Variants in CLIP3 observed in about 807,000 individuals in gnomAD.
The protein encoded by CLIP3 is CAP-Gly domain-containing linker protein 3.
CLIP3 carries 15 observed loss-of-function variants against 59.4 expected under a neutral mutation model. The ratio of observed to expected loss-of-function variants is 0.25; its 90% CI spans 0.17 to 0.39. The LOEUF (loss-of-function observed/expected upper bound fraction) is 0.39, where lower values mean the gene tolerates loss of function less well. Among genes scored for constraint, CLIP3 ranks in the 10% least tolerant of loss-of-function variants. CLIP3 has a pLI of 1.00. For missense variants in CLIP3, 495 were observed against 765.7 expected (o/e 0.65, Z 4.17); for synonymous variants, 300 against 321.6 (o/e 0.93, Z 0.72).
intron 7 of CLIP3, among the ~76,000 whole-genome samples, chr19:36,020,547 C>T (rs888813726): frequency 6.7e-6 from 1 of 150,284 alleles, no homozygotes; most frequent in Non-Finnish European, 1.5e-5. Context: ...TGCAGTGAGC[C>T]CAGATAGCAC....
Position 36,031,025 on chromosome 19 carries a change from T to TTTTTTTTTTTTTTTTTTTTTTTTTC in CLIP3, c.166+1166_166+1167insGAAAAAAAAAAAAAAAAAAAAAAAA, listed in dbSNP as rs1969251895. On this transcript the variant is annotated intron_variant, in intron 2 of 13. Transcript: ENST00000360535. ...TTTCTTTTCTTTTTTTTTTTTTTCT[T>TTTTTTTTTTTTTTTTTTTTTTTTTC]TTTTTTTTTTTTTTTTGAGACAGTC... Among the ~76,000 whole-genome samples the TTTTTTTTTTTTTTTTTTTTTTTTTC allele has an allele frequency of 6.0e-5, 5 of 82,658 alleles. 1 individual carries two copies. The highest frequency in any genetic ancestry group is 9.3e-4 in the South Asian group (2 of 2,142). 54.2% of individuals were successfully genotyped at this position (82,658 alleles called of 152,430 possible). A position where few individuals can be genotyped will look rare whatever the true frequency, so the allele number is the denominator to read the frequency against.
intron 2 of CLIP3, among the ~76,000 whole-genome samples, chr19:36,028,994 C>T (rs1004593386): frequency 2.3e-5 from 3 of 132,606 alleles, no homozygotes; most frequent in African/African-American, 6.2e-5. Flanking sequence ...CCATCTCCTA[C>T]TCTTTTTTTT....
intron 2 of CLIP3, among the ~76,000 whole-genome samples, chr19:36,030,342 T>G (rs1969223236): frequency 6.6e-6 from 1 of 152,144 alleles, no homozygotes. Flanking sequence ...CCAGAACCAC[T>G]GTGCCTAGCC....
chr19:36,030,238 A>T (rs151147645), intron 2 of CLIP3, among the ~76,000 whole-genome samples: 1 of 152,154 alleles, frequency 6.6e-6, no homozygotes, highest in Non-Finnish European at 1.5e-5. Flanking sequence ...TTTTCTGTAC[A>T]GATGGGGTCT....
At chr19:36,031,032 T>G (rs1969253160) in intron 2 of CLIP3, among the ~76,000 whole-genome samples, 1 of 139,298 alleles carries the variant, frequency 7.2e-6, no homozygotes, top group African/African-American at 2.7e-5. Flanking sequence ...TCTTTTTTTT[T>G]TTTTTTTTTG....
chr19:36,026,623 G>A lies in CLIP3; in HGVS notation c.525C>T (p.Asp175=). 3 of 1,613,786 alleles carry A rather than the reference G, an allele frequency of 1.9e-6. No individual in the cohort carries two copies. The highest frequency in any genetic ancestry group is 2.5e-6 in the Non-Finnish European group (3 of 1,179,934). The change falls in exon 5 of 14, where the codon GAC becomes GAT. Residue 175 remains aspartate (D), a synonymous_variant. Coordinates refer to ENST00000360535, the MANE Select transcript of CLIP3 (RefSeq NM_015526.3). This position sits in a 1 kb window ranked among gnomAD's most constrained non-coding sequence, Gnocchi z 6.3. ...CACCCTTCAGCAGCACACGCACGAG[G>A]TCGGGCACATCAAAATAGGCCGCGT... The part of the protein sequence containing the change: ...LHYAAYFDVP[D]LVRVLLKGAR...
rs1216571093 is a variant in CLIP3, at chr19:36,026,253, G to A, written c.575C>T (p.Thr192Met). Residue 192 changes from threonine to methionine, a missense_variant, in exon 6 of 14, where the codon ACG becomes ATG. Thr to Met is a moderately conservative substitution (Grantham distance 81). Around this residue, in one of 5 missense-constraint regions of CLIP3, gnomAD observed 194 missense variants for 327.8 expected, o/e 0.59. Coordinates refer to ENST00000360535, the MANE Select transcript of CLIP3 (RefSeq NM_015526.3). The surrounding 1 kb of genome is among the most constrained non-coding windows in gnomAD (Gnocchi z 6.3). ...TGAGCCGTGGTTGAAGTCACTGCACGTGGAGTTCACCACTGGAAGTGGGCA... is the reference window on the plus strand; with the variant it reads ...TGAGCCGTGGTTGAAGTCACTGCACATGGAGTTCACCACTGGAAGTGGGCA... Reference protein sequence around the residue: ...KGARPRVVNSTCSDFNHGSAL... With the variant: ...KGARPRVVNSMCSDFNHGSAL... 1.9e-6 allele frequency: 3 copies of A among 1,612,762 alleles called. No individual in the cohort carries two copies. Among genetic ancestry groups the A allele is most frequent in the African/African-American group, 1.3e-5 (1 of 74,900 alleles).
chr19:36,026,703 G>C lies in CLIP3; in HGVS notation c.445C>G (p.Leu149Val). The change falls in exon 5 of 14, where the codon CTG becomes GTG. Residue 149 changes from leucine (L) to valine (V), a missense_variant. Physicochemically the swap from Leu to Val is conservative, Grantham distance 32. Transcript: ENST00000360535. The surrounding 1 kb of genome is among the most constrained non-coding windows in gnomAD (Gnocchi z 6.3). ...AVRLSQQLLA[L>V]GADVTLRSRW... ...CTGCGCAGCGTCACATCTGCGCCCAGCGCCAGCAGCTGCTGCGAGAGGCGC... is the reference window on the plus strand; with the variant it reads ...CTGCGCAGCGTCACATCTGCGCCCACCGCCAGCAGCTGCTGCGAGAGGCGC... 1 of 1,606,310 alleles carries C rather than the reference G, an allele frequency of 6.2e-7. No individual in the cohort carries two copies. The highest frequency in any genetic ancestry group is 8.5e-7 in the Non-Finnish European group (1 of 1,177,960).
intron 7 of CLIP3, among the ~76,000 whole-genome samples, chr19:36,023,022 T>C (rs1968994668): frequency 6.6e-6 from 1 of 152,118 alleles, no homozygotes; most frequent in African/African-American, 2.4e-5. Flanking sequence ...GCCACCGCAC[T>C]CCAGCCTAGG....
In CLIP3 at chr19:36,032,575, T is replaced by C; in HGVS notation, c.-59+149A>G. 4 of 378,350 alleles carry C rather than the reference T, an allele frequency of 1.1e-5. No homozygotes were observed. Among genetic ancestry groups the C allele is most frequent in the Non-Finnish European group, 1.9e-5 (4 of 213,720 alleles). The allele number at this position is 378,350 out of a possible 1,614,324, so 23.4% of individuals were successfully genotyped here. A position where few individuals can be genotyped will look rare whatever the true frequency, so the allele number is the denominator to read the frequency against. The stretch of plus-strand genomic sequence containing the variant: ...GGCCCCGGTGTGTGCGCCCAGCGCC[T>C]GCCACCTCCCCCAGGCCCAGCCCCC... On this transcript the variant is annotated intron_variant, in intron 1 of 13. Transcript: ENST00000360535. The surrounding 1 kb of genome is among the most constrained non-coding windows in gnomAD (Gnocchi z 4.3).
Position 36,019,598 on chromosome 19 carries a change from A to ATTTTTTTT in CLIP3, c.919-293_919-292insAAAAAAAA, listed in dbSNP as rs200645934. ...ACAATGTAAATTTATTTATTTATTT[A>ATTTTTTTT]TTTTATTTATTTTTTTTTTTTTCGA... On this transcript the variant is annotated intron_variant, in intron 7 of 13. Transcript: ENST00000360535. 6.0e-5 allele frequency among the ~76,000 whole-genome samples: 6 copies of ATTTTTTTT among 99,392 alleles called. No homozygotes were observed. In the East Asian group the frequency reaches 1.2e-3, roughly 19 times the overall value. The allele number at this position is 99,392 out of a possible 152,430, so 65.2% of individuals were successfully genotyped here.
At chr19:36,027,428 T>A (rs900136351) in intron 2 of CLIP3, among the ~76,000 whole-genome samples, 157 bp from the exon 3 acceptor site, 2 of 152,174 alleles carry the variant, frequency 1.3e-5, no homozygotes, top group African/African-American at 4.8e-5. Context: ...ATTTTCTGTG[T>A]GGCCAGCATG....
At position 36,031,008 on chromosome 19, in the gene CLIP3, C is replaced by CTTTTTTTTTTTTTTTCTTTTTT. The variant is rs374690845; in HGVS notation, c.166+1183_166+1184insAAAAAAGAAAAAAAAAAAAAAA. Among the ~76,000 whole-genome samples the CTTTTTTTTTTTTTTTCTTTTTT allele has an allele frequency of 1.4e-3, 111 of 77,834 alleles. 2 individuals are homozygous for CTTTTTTTTTTTTTTTCTTTTTT. The highest frequency in any genetic ancestry group is 2.4e-3 in the East Asian group (7 of 2,944). The allele number at this position is 77,834 out of a possible 152,430, so 51.1% of individuals were successfully genotyped here. A position where few individuals can be genotyped will look rare whatever the true frequency, so the allele number is the denominator to read the frequency against. ...TTTTTCTTTTTTCTTTTTTTCTTTT[C>CTTTTTTTTTTTTTTTCTTTTTT]TTTTTTTTTTTTTTCTTTTTTTTTT... is the stretch of plus-strand genomic sequence containing the variant. On this transcript the variant is annotated intron_variant, in intron 2 of 13. Transcript: ENST00000360535.
intron 2 of CLIP3, 69 bp from the exon 3 acceptor site, chr19:36,027,340 C>A: frequency 6.6e-7 from 1 of 1,507,920 alleles, no homozygotes; most frequent in Non-Finnish European, 8.9e-7. Context: ...AGTAGGGGAG[C>A]TGTAGGTCTT....
chr19:36,029,927 T>C (rs1168562874), intron 2 of CLIP3, among the ~76,000 whole-genome samples: 1 of 152,140 alleles, frequency 6.6e-6, no homozygotes, highest in East Asian at 1.9e-4. Context: ...CTTGGAGGGC[T>C]CAGCCTATAC....
rs1045207209 is a variant in CLIP3 at position 36,017,124 on chromosome 19, T to C, written c.1517-145A>G. The C allele has an allele frequency of 5.6e-6, 5 of 893,344 alleles. No homozygotes were observed. The Admixed American group carries it at 6.2e-5, about 11-fold the overall frequency. 55.3% of individuals were successfully genotyped at this position (893,344 alleles called of 1,614,324 possible). On this transcript the variant is annotated intron_variant, in intron 12 of 13. Coordinates refer to ENST00000360535, the MANE Select transcript of CLIP3 (RefSeq NM_015526.3). ...ATTCCCAATACCCATCTGGGCCTCT[T>C]GTCCATAATTCCCACCATGTCCCCC...
intron 7 of CLIP3, 118 bp downstream of exon 7, chr19:36,024,278 A>T: frequency 1.3e-6 from 1 of 783,892 alleles, no homozygotes; most frequent in Non-Finnish European, 2.0e-6. Context: ...GTGGATAGTT[A>T]GGGCGGCAAG....
chr19:36,018,086 TC>T lies in CLIP3; in HGVS notation c.1184-96del, dbSNP rs1259054783. On this transcript the variant is annotated intron_variant, in intron 9 of 13. Coordinates refer to ENST00000360535, the MANE Select transcript of CLIP3 (RefSeq NM_015526.3). ...AAAACCCCAAGGTAGAAAACCCTGT[TC>T]TTCGTTTGAAGTGAAACTGAATCCC... The T allele has an allele frequency of 2.8e-6, 4 of 1,412,194 alleles. No homozygotes were observed. In the African/African-American group the frequency reaches 4.3e-5, roughly 15 times the overall value. The allele number at this position is 1,412,194 out of a possible 1,614,324, so 87.5% of individuals were successfully genotyped here. A position where few individuals can be genotyped will look rare whatever the true frequency, so the allele number is the denominator to read the frequency against.
intron 7 of CLIP3, among the ~76,000 whole-genome samples, chr19:36,024,193 T>C (rs1281436657): frequency 2.0e-5 from 3 of 152,138 alleles, no homozygotes; most frequent in Non-Finnish European, 2.9e-5. Flanking sequence ...TTTCCCACCC[T>C]GGATGGAGAG....
Sources: allele counts gnomAD v4.1 joint callset (sites outside exome capture counted in the v4.1 genomes callset), GRCh38; gene constraint gnomAD v4.1.1; regional missense constraint gnomAD v4.1.1; non-coding constraint Gnocchi (gnomAD v3.1); transcripts MANE v1.5; gene names NCBI Gene and HGNC (gene_info 2026-07-23, HGNC 2026-07-21).